The following PNPLA6 variants were observed in gnomAD, a reference collection of about 807,000 sequenced individuals.
PNPLA6 encodes the protein patatin like domain 6, lysophospholipase.
Under a neutral mutation model 153.7 loss-of-function variants are expected in PNPLA6, and 105 were observed. That is an observed-to-expected ratio of 0.68 (90% CI 0.58 to 0.80). PNPLA6 has a LOEUF of 0.80. Among genes scored for constraint, PNPLA6 ranks in the 30% least tolerant of loss-of-function variants. The probability of loss-of-function intolerance (pLI) is 0.00; values close to 1 mark genes in which losing one functional copy is unlikely to be tolerated. For missense variants in PNPLA6, 1,423 were observed against 1,919.3 expected (o/e 0.74, Z 4.83); for synonymous variants, 825 against 822.2 (o/e 1.00, Z -0.06).
upstream of PNPLA6, chr19:7,534,342 A>C: frequency 5.1e-6 from 1 of 197,656 alleles, no homozygotes; most frequent in Non-Finnish European, 1.1e-5. Context: ...TTAACTCTAG[A>C]CTTTCTGATG....
chr19:7,553,763 G>T, intron 18 of PNPLA6, 112 bp from the exon 19 acceptor site: 1 of 1,404,250 alleles, frequency 7.1e-7, no homozygotes, highest in East Asian at 2.3e-5. Context: ...CAGTCTGGGA[G>T]CACAGGAGCA....
chr19:7,558,026 T>G (rs1172758246), intron 27 of PNPLA6, among the ~76,000 whole-genome samples: 2 of 152,144 alleles, frequency 1.3e-5, no homozygotes, highest in Non-Finnish European at 2.9e-5. Context: ...AACACGTGTG[T>G]CAGTGAAATA....
rs1201246025 is a variant in PNPLA6 at position 7,540,313 on chromosome 19, G to A, written c.714+5G>A. ...GAGCTCTGTCTGCCAGGGCCTGTGA[G>A]TGGGCCTCCCCAGGGGCTGCTGCAG... On this transcript the variant is annotated splice_donor_5th_base_variant and intron_variant, in intron 5 of 31. Transcript: ENST00000600737. This position sits in a 1 kb window ranked among gnomAD's most constrained non-coding sequence, Gnocchi z 6.8. The A allele has an allele frequency of 3.7e-6, 6 of 1,602,504 alleles. No individual in the cohort carries two copies. The highest frequency in any genetic ancestry group is 1.3e-5 in the African/African-American group (1 of 74,854).
At position 7,550,409 on chromosome 19, in the gene PNPLA6, G is replaced by A; in HGVS notation, c.1926G>A (p.Glu642=). Residue 642 remains glutamate (E), a synonymous_variant, in exon 15 of 32, where the codon GAG becomes GAA. Coordinates refer to ENST00000600737, the MANE Select transcript of PNPLA6 (RefSeq NM_001166114.2). ...TCGCCATCGACTGGACTGCAGTGGA[G>A]GCGGGACGCGCGCTGTACAGGTGCA... is the stretch of plus-strand genomic sequence containing the variant. The part of the protein sequence containing the change: ...MDFAIDWTAV[E]AGRALYRQGD... 6.2e-7 allele frequency: 1 copy of A among 1,611,606 alleles called. No individual in the cohort carries two copies. The highest frequency in any genetic ancestry group is 1.1e-5 in the South Asian group (1 of 91,072).
chr19:7,558,227 A>G (rs1172205100), intron 27 of PNPLA6, among the ~76,000 whole-genome samples: 2 of 152,226 alleles, frequency 1.3e-5, no homozygotes, highest in African/African-American at 4.8e-5. Context: ...AAGTGTGCAT[A>G]TATGAACAGA....
chr19:7,536,576 TA>T, intron 3 of PNPLA6, 30 bp downstream of exon 3: 1 of 1,445,684 alleles, frequency 6.9e-7, no homozygotes, highest in Non-Finnish European at 9.7e-7. Flanking sequence ...GACCTGGTAT[TA>T]GGGGTTATCT....
chr19:7,535,569 A>T (rs2022812913), upstream of PNPLA6: 1 of 1,605,528 alleles, frequency 6.2e-7, no homozygotes, highest in Non-Finnish European at 8.5e-7. This position sits in a 1 kb window ranked among gnomAD's most constrained non-coding sequence, Gnocchi z 5.0. Context: ...TCCGCTGCAA[A>T]CTGGAATGGT....
intron 13 of PNPLA6, among the ~76,000 whole-genome samples, chr19:7,545,310 A>C (rs923758730): frequency 6.6e-6 from 1 of 152,008 alleles, no homozygotes; most frequent in Admixed American, 6.6e-5. Flanking sequence ...TACAGGCGTG[A>C]TCCTCGGCAC....
chr19:7,535,270 C>T (rs2022793903), upstream of PNPLA6: 2 of 588,396 alleles, frequency 3.4e-6, no homozygotes, highest in Admixed American at 5.8e-5. This position sits in a 1 kb window ranked among gnomAD's most constrained non-coding sequence, Gnocchi z 5.0. Flanking sequence ...AGGCCCTACG[C>T]GTAGGCGAAG....
Position 7,535,905 on chromosome 19 carries a change from T to G in PNPLA6, c.117T>G (p.Gly39=). The G allele has an allele frequency of 6.4e-7, 1 of 1,555,014 alleles. No homozygotes were observed. The highest frequency in any genetic ancestry group is 8.7e-7 in the Non-Finnish European group (1 of 1,155,806). Residue 39 remains glycine (G), a synonymous_variant, in exon 1 of 32, where the codon GGT becomes GGG. Transcript: ENST00000600737. The surrounding 1 kb of genome is among the most constrained non-coding windows in gnomAD (Gnocchi z 5.0). ...AAGGCTCGGCGGGACGGATTTGCGG[T>G]GCGCAGCCAGTGCCGTTCGTCCCTC... is the stretch of plus-strand genomic sequence containing the variant. ...PGEGSAGRIC[G]AQPVPFVPQV...
At position 7,560,781 on chromosome 19, in the gene PNPLA6, C is replaced by A; in HGVS notation, c.3816+17C>A. The A allele has an allele frequency of 1.4e-6, 2 of 1,469,594 alleles. No homozygotes were observed. The highest frequency in any genetic ancestry group is 1.9e-6 in the Non-Finnish European group (2 of 1,048,564). The allele number at this position is 1,469,594 out of a possible 1,614,324, so 91.0% of individuals were successfully genotyped here. A position where few individuals can be genotyped will look rare whatever the true frequency, so the allele number is the denominator to read the frequency against. ...CGTGCAGACGTAAGCCTGTGATGCC[C>A]CCAGGGCCACTCTGACTCCACTGAT... On this transcript the variant is annotated intron_variant, in intron 29 of 31. Coordinates refer to ENST00000600737, the MANE Select transcript of PNPLA6 (RefSeq NM_001166114.2).
intron 13 of PNPLA6, among the ~76,000 whole-genome samples, chr19:7,546,558 C>G (rs2023394482): frequency 6.6e-6 from 1 of 152,174 alleles, no homozygotes; most frequent in African/African-American, 2.4e-5. Flanking sequence ...GCCACTGCAC[C>G]TGGCCATGCC....
Position 7,542,991 on chromosome 19 carries a change from C to T in PNPLA6, c.1531-16C>T. 1 of 1,613,896 alleles carries T rather than the reference C, an allele frequency of 6.2e-7. No individual in the cohort carries two copies. The highest frequency in any genetic ancestry group is 8.5e-7 in the Non-Finnish European group (1 of 1,179,908). ...GAGGCCTGGCTGCGCCCATCTCAACCCCCCTACCTCCCCAGGACCCCTCCC... is the reference window on the plus strand; with the variant it reads ...GAGGCCTGGCTGCGCCCATCTCAACTCCCCTACCTCCCCAGGACCCCTCCC... On this transcript the variant is annotated splice_polypyrimidine_tract_variant and intron_variant, in intron 12 of 31. Transcript: ENST00000600737.
chr19:7,552,767 AAG>A (rs539360661), intron 18 of PNPLA6, among the ~76,000 whole-genome samples: 45,271 of 101,088 alleles, frequency 0.45, 7,692 homozygotes, highest in South Asian at 0.55. Context: ...AAAAAAAAAA[AAG>A]AAAGAAAAAA....
chr19:7,539,948 G>C lies in PNPLA6; in HGVS notation c.444G>C (p.Thr148=), dbSNP rs766433753. 4.5e-6 allele frequency: 7 copies of C among 1,557,182 alleles called. No homozygotes were observed. The highest frequency in any genetic ancestry group is 1.2e-5 in the South Asian group (1 of 85,610). The part of the protein sequence containing the change: ...KILRIQKETP[T]LQRKEPPPAV... ...TGCGCATCCAGAAAGAGACGCCCAC[G>C]CTGCAGCGGAAGGAGCCCCCGCCCG... Residue 148 remains threonine, a synonymous_variant, in exon 4 of 32, where the codon ACG becomes ACC. Transcript: ENST00000600737.
intron 3 of PNPLA6, among the ~76,000 whole-genome samples, chr19:7,539,173 T>C (rs187002075): frequency 6.6e-6 from 1 of 152,362 alleles, no homozygotes; most frequent in Admixed American, 6.5e-5. Flanking sequence ...AATAAAACTT[T>C]ATTTACCAAA....
rs1011390564 is a variant in PNPLA6, at chr19:7,554,122, G to C, written c.2402-87G>C. 11 of 1,575,180 alleles carry C rather than the reference G, an allele frequency of 7.0e-6. No homozygotes were observed. The African/African-American group carries it at 1.5e-4, about 21-fold the overall frequency. ...GGGGGTGGAGGGGAACAGGGCCACA[G>C]GGGCGGGGTAATGGGTATTCTTTTC... On this transcript the variant is annotated intron_variant, in intron 19 of 31. Coordinates refer to ENST00000600737, the MANE Select transcript of PNPLA6 (RefSeq NM_001166114.2).
intron 16 of PNPLA6, 103 bp downstream of exon 16, chr19:7,550,743 T>A: frequency 1.4e-6 from 2 of 1,453,220 alleles, no homozygotes; most frequent in Non-Finnish European, 1.9e-6. Flanking sequence ...TGAATGCAGC[T>A]CCCGACCTCT....
At position 7,550,684 on chromosome 19, in the gene PNPLA6, C is replaced by T. The variant is rs368748542; in HGVS notation, c.2070+44C>T. 8.8e-5 allele frequency: 142 copies of T among 1,605,668 alleles called. No individual in the cohort carries two copies. In the African/African-American group the frequency reaches 1.7e-3, roughly 19 times the overall value. ...CACTGACCTCTGGCCTTTTCCAGGC[C>T]AGTCCCTCGACAACTCACACACATC... On this transcript the variant is annotated intron_variant, in intron 16 of 31. Transcript: ENST00000600737.
Sources: gnomAD v4.1 joint callset for allele counts (sites outside exome capture counted in the v4.1 genomes callset) on GRCh38, gnomAD v4.1.1 for gene constraint, Gnocchi (gnomAD v3.1) non-coding constraint, MANE v1.5 for transcripts, NCBI Gene and HGNC (gene_info 2026-07-23, HGNC 2026-07-21) for gene names.